The following CSMD1 variants were observed in gnomAD, a reference collection of about 807,000 sequenced individuals.
The protein encoded by CSMD1 is CUB and Sushi multiple domains 1, also known as CUB and sushi domain-containing protein 1.
In CSMD1, 213 loss-of-function variants were observed where a neutral mutation model predicts 417.5. The observed-to-expected ratio is 0.51, with a 90% CI of 0.46 to 0.57. CSMD1 has a LOEUF of 0.57. Among genes scored for constraint, CSMD1 ranks in the 20% least tolerant of loss-of-function variants. The pLI is 0.00. For synonymous variants in CSMD1, 2,862 were observed against 1,736.8 expected (o/e 1.65, Z -16.11); for missense variants, 6,923 against 4,529.7 (o/e 1.53, Z -15.17).
intron 2 of CSMD1, among the ~76,000 whole-genome samples, chr8:4,547,091 T>G (rs951118780): frequency 6.6e-6 from 1 of 152,174 alleles, no homozygotes; most frequent in African/African-American, 2.4e-5. Flanking sequence ...TATTTCATAG[T>G]CACCTAAAAT....
At chr8:3,051,548 G>A (rs1386454386) in intron 50 of CSMD1, among the ~76,000 whole-genome samples, 2 of 152,138 alleles carry the variant, frequency 1.3e-5, no homozygotes, top group African/African-American at 4.8e-5. Context: ...CCTGTGACAC[G>A]TAGTTCACCT....
chr8:3,394,731 G>T (rs1160997327), intron 17 of CSMD1, among the ~76,000 whole-genome samples: 1 of 152,112 alleles, frequency 6.6e-6, no homozygotes, highest in African/African-American at 2.4e-5. Flanking sequence ...ACTTCAAAGA[G>T]AAGTGACAAC....
At chr8:3,308,119 A>G (rs17079855) in intron 24 of CSMD1, among the ~76,000 whole-genome samples, 193 bp downstream of exon 24, 11,115 of 152,078 alleles carry the variant, frequency 0.073, 802 homozygotes, top group African/African-American at 0.19. Flanking sequence ...CCATAACAGA[A>G]TACTAGAAAA....
At chr8:3,287,921 A>G (rs1803277045) in intron 25 of CSMD1, among the ~76,000 whole-genome samples, 2 of 146,040 alleles carry the variant, frequency 1.4e-5, no homozygotes, top group Admixed American at 6.8e-5. Flanking sequence ...CCTATTCAGT[A>G]TGATATTGGC....
intron 39 of CSMD1, among the ~76,000 whole-genome samples, chr8:3,151,884 T>C (rs1363728472): frequency 6.6e-6 from 1 of 152,244 alleles, no homozygotes; most frequent in Non-Finnish European, 1.5e-5. Context: ...TTGCTAACTA[T>C]GTGGTACTTA....
In CSMD1 at chr8:4,794,875, C is replaced by G. The variant is rs76705125; in HGVS notation, c.86-157317G>C. On this transcript the variant is annotated intron_variant, in intron 1 of 69. Transcript: ENST00000635120. ...AAGAACTGGAGTCAGGTGATGATGA[C>G]TGCAGATTGCAGGTGGCAAGAAATT... Among the ~76,000 whole-genome samples, 94 of 152,222 alleles carry G rather than the reference C, an allele frequency of 6.2e-4. 1 individual carries two copies. The East Asian group carries it at 0.016, about 27-fold the overall frequency.
At chr8:4,002,235 G>C (rs1232209569) in intron 4 of CSMD1, among the ~76,000 whole-genome samples, 2 of 152,046 alleles carry the variant, frequency 1.3e-5, no homozygotes, top group African/African-American at 2.4e-5. Flanking sequence ...GTGCATGTGT[G>C]TGCGTGTGTT....
intron 38 of CSMD1, among the ~76,000 whole-genome samples, chr8:3,158,511 A>T (rs1819676627): frequency 6.6e-6 from 1 of 152,252 alleles, no homozygotes; most frequent in Admixed American, 6.5e-5. Flanking sequence ...TTCTCACTAG[A>T]CATCCTCACA....
chr8:4,172,659 A>G (rs1234963019), intron 3 of CSMD1, among the ~76,000 whole-genome samples: 1 of 152,172 alleles, frequency 6.6e-6, no homozygotes, highest in Non-Finnish European at 1.5e-5. Flanking sequence ...TCCCTTAAAT[A>G]TGGGCTGGAC....
chr8:4,606,251 A>T (rs182548079), intron 2 of CSMD1, among the ~76,000 whole-genome samples: 1 of 152,318 alleles, frequency 6.6e-6, no homozygotes, highest in African/African-American at 2.4e-5. Flanking sequence ...TCAGTTAGAA[A>T]TAAAACCTAA....
chr8:2,942,353 A>C, intron 69 of CSMD1, 119 bp downstream of exon 69: 1 of 936,126 alleles, frequency 1.1e-6, no homozygotes. Flanking sequence ...AAAAAAAAAA[A>C]AAGAACATTG....
chr8:4,183,173 G>A (rs976480428), intron 3 of CSMD1, among the ~76,000 whole-genome samples: 2 of 152,088 alleles, frequency 1.3e-5, no homozygotes, highest in Non-Finnish European at 1.5e-5. Flanking sequence ...GTGCAGTATA[G>A]CCCTAGGATG....
chr8:3,273,676 C>G (rs370725666), intron 26 of CSMD1, among the ~76,000 whole-genome samples: 9 of 152,188 alleles, frequency 5.9e-5, no homozygotes, highest in East Asian at 5.8e-4. Context: ...TGTATGTGTC[C>G]AGGAATTTAT....
intron 3 of CSMD1, among the ~76,000 whole-genome samples, chr8:4,348,146 T>C (rs1379762822): frequency 6.6e-6 from 1 of 152,180 alleles, no homozygotes; most frequent in Non-Finnish European, 1.5e-5. Flanking sequence ...GAAGACCTTT[T>C]CGGTTTTTAA....
At chr8:3,094,083 GT>G (rs36032306) in intron 47 of CSMD1, among the ~76,000 whole-genome samples, 2 of 150,006 alleles carry the variant, frequency 1.3e-5, no homozygotes, top group African/African-American at 2.5e-5. Context: ...GAGTTTTAGG[GT>G]TTTTTTTATT....
At position 3,062,667 on chromosome 8, in the gene CSMD1, AC is replaced by A. The variant is rs532202167; in HGVS notation, c.7475-10021del. Among the ~76,000 whole-genome samples, 1,117 of 152,202 alleles carry A rather than the reference AC, an allele frequency of 7.3e-3. 9 individuals are homozygous for A. Among genetic ancestry groups the A allele is most frequent in the South Asian group, 0.015 (74 of 4,820 alleles). On this transcript the variant is annotated intron_variant, in intron 49 of 69. Transcript: ENST00000635120. Reference sequence around the variant, plus strand: ...TCTTGAAAATATCTAGCACTTCATAACCCAAGGAAGAAAAAAAAGCATTTAT... The same window carrying A: ...TCTTGAAAATATCTAGCACTTCATAACCAAGGAAGAAAAAAAAGCATTTAT...
At chr8:3,345,983 G>A (rs1055554586) in intron 22 of CSMD1, among the ~76,000 whole-genome samples, 1 of 152,170 alleles carries the variant, frequency 6.6e-6, no homozygotes, top group Non-Finnish European at 1.5e-5. Context: ...ATTTACGTGT[G>A]CAGGGGGTGC....
intron 2 of CSMD1, among the ~76,000 whole-genome samples, chr8:4,548,760 C>G (rs551402338): frequency 1.3e-5 from 2 of 152,266 alleles, no homozygotes; most frequent in African/African-American, 4.8e-5. Flanking sequence ...AAAGCAGCTG[C>G]ATTCCCAGGT....
At chr8:3,226,861 C>T (rs571321740) in intron 27 of CSMD1, among the ~76,000 whole-genome samples, 2 of 151,322 alleles carry the variant, frequency 1.3e-5, no homozygotes, top group Non-Finnish European at 2.9e-5. Flanking sequence ...TAAATATACT[C>T]TAATAATAAA....
Sources: allele counts gnomAD v4.1 joint callset (sites outside exome capture counted in the v4.1 genomes callset), GRCh38; gene constraint gnomAD v4.1.1; transcripts MANE v1.5; gene names NCBI Gene and HGNC (gene_info 2026-07-23, HGNC 2026-07-21).